The following NEGR1 variants were observed in gnomAD, a reference collection of about 807,000 sequenced individuals.
NEGR1 encodes the protein IgLON family member 4.
NEGR1 carries 10 observed loss-of-function variants against 40.9 expected under a neutral mutation model. The observed-to-expected ratio is 0.24, with a 90% CI of 0.15 to 0.42. NEGR1 has a LOEUF of 0.42. Ranked by LOEUF, NEGR1 falls within the 10% of genes least tolerant of loss-of-function variation. The pLI, the probability that NEGR1 is intolerant of heterozygous loss-of-function variation, is 1.00. For synonymous variants in NEGR1, 185 were observed against 166.8 expected, an observed-to-expected ratio of 1.11 and a Z score of -0.84; for missense variants, 352 against 438.9, an observed-to-expected ratio of 0.80 and a Z score of 1.77.
intron 4 of NEGR1, among the ~76,000 whole-genome samples, chr1:71,668,421 G>T (rs901298076): frequency 3.3e-5 from 5 of 152,162 alleles, no homozygotes; most frequent in Admixed American, 6.6e-5. Flanking sequence ...AGAGCCAAAT[G>T]CTTTTTAGTA....
At chr1:71,820,074 T>C (rs1658370873) in intron 2 of NEGR1, among the ~76,000 whole-genome samples, 1 of 152,008 alleles carries the variant, frequency 6.6e-6, no homozygotes, top group South Asian at 2.1e-4. Flanking sequence ...CAGAATCTAA[T>C]GGGGTTGTAC....
chr1:71,618,962 T>C (rs1301276627), intron 4 of NEGR1, among the ~76,000 whole-genome samples: 1 of 152,176 alleles, frequency 6.6e-6, no homozygotes, highest in Non-Finnish European at 1.5e-5. Flanking sequence ...TAGGTTATGT[T>C]GTCCGTGACT....
intron 6 of NEGR1, among the ~76,000 whole-genome samples, chr1:71,410,149 A>G (rs2101260884): frequency 6.6e-6 from 1 of 152,186 alleles, no homozygotes; most frequent in South Asian, 2.1e-4. Flanking sequence ...AAATTTATAT[A>G]CTTTTTTGTT....
chr1:71,550,382 T>C (rs1648036303), intron 6 of NEGR1, among the ~76,000 whole-genome samples: 1 of 151,654 alleles, frequency 6.6e-6, no homozygotes, highest in Admixed American at 6.6e-5. Context: ...TGCCATTTCC[T>C]GGAAGCAGCA....
intron 1 of NEGR1, among the ~76,000 whole-genome samples, chr1:72,170,877 G>T (rs1651938740): frequency 6.6e-6 from 1 of 152,086 alleles, no homozygotes; most frequent in African/African-American, 2.4e-5. Flanking sequence ...TGAGTGTAAG[G>T]TGTGGGATAG....
chr1:72,043,804 C>T (rs1296076778), intron 1 of NEGR1, among the ~76,000 whole-genome samples: 1 of 151,762 alleles, frequency 6.6e-6, no homozygotes, highest in Non-Finnish European at 1.5e-5. Context: ...GTGGAATTCA[C>T]CCTATTCTGT....
rs146257901 is a variant in NEGR1 at position 72,271,189 on chromosome 1, G to T, written c.176+11130C>A. Among the ~76,000 whole-genome samples the T allele has an allele frequency of 9.2e-5, 14 of 151,912 alleles. No homozygotes were observed. In the East Asian group the frequency reaches 2.7e-3, roughly 30 times the overall value. On this transcript the variant is annotated intron_variant, in intron 1 of 6. Coordinates refer to ENST00000357731, the MANE Select transcript of NEGR1 (RefSeq NM_173808.3). ...TGATAAACTTTGCAAATAAGCAAAAGCAACTTCACGTCTAGAATTAATAAT... is the reference window on the plus strand; with the variant it reads ...TGATAAACTTTGCAAATAAGCAAAATCAACTTCACGTCTAGAATTAATAAT...
intron 1 of NEGR1, among the ~76,000 whole-genome samples, chr1:72,247,024 G>C (rs1654926099): frequency 6.6e-6 from 1 of 152,216 alleles, no homozygotes; most frequent in Non-Finnish European, 1.5e-5. Context: ...GGATAGAATG[G>C]GAATAGCCAG....
chr1:72,272,714 T>TA (rs1364182333), intron 1 of NEGR1, among the ~76,000 whole-genome samples: 1 of 151,942 alleles, frequency 6.6e-6, no homozygotes, highest in Non-Finnish European at 1.5e-5. Flanking sequence ...GCTTTAAACA[T>TA]ACGCTAATAC....
At chr1:72,275,925 C>G (rs1217125524) in intron 1 of NEGR1, among the ~76,000 whole-genome samples, 2 of 151,808 alleles carry the variant, frequency 1.3e-5, no homozygotes, top group African/African-American at 4.8e-5. Flanking sequence ...AGTAAGACAC[C>G]ATCTCTAAAA....
At chr1:71,791,337 C>T (rs1657107642) in intron 2 of NEGR1, among the ~76,000 whole-genome samples, 2 of 151,984 alleles carry the variant, frequency 1.3e-5, no homozygotes, top group Admixed American at 1.3e-4. Context: ...CGTGTGTTAT[C>T]TTGGGTTACT....
At chr1:71,948,639 T>C (rs1443336175) in intron 1 of NEGR1, among the ~76,000 whole-genome samples, 1 of 152,112 alleles carries the variant, frequency 6.6e-6, no homozygotes, top group Non-Finnish European at 1.5e-5. Flanking sequence ...ATTAATTTCA[T>C]CTGAGCTCTT....
At chr1:71,937,023 T>C (rs1425862289) in intron 1 of NEGR1, among the ~76,000 whole-genome samples, 2 of 152,186 alleles carry the variant, frequency 1.3e-5, no homozygotes, top group Admixed American at 6.6e-5. Context: ...CCTTGGGGGA[T>C]TGAACACAGT....
At chr1:71,450,412 T>C (rs1646618499) in intron 6 of NEGR1, among the ~76,000 whole-genome samples, 2 of 152,236 alleles carry the variant, frequency 1.3e-5, no homozygotes, top group Non-Finnish European at 2.9e-5. Context: ...GTAAATACTA[T>C]ATATAACTAA....
rs560266874 is a variant in NEGR1 at position 71,918,448 on chromosome 1, C to G, written c.409+16631G>C. 3.3e-5 allele frequency among the ~76,000 whole-genome samples: 5 copies of G among 151,840 alleles called. No homozygotes were observed. In the South Asian group the frequency reaches 8.3e-4, roughly 25 times the overall value. On this transcript the variant is annotated intron_variant, in intron 2 of 6. Coordinates refer to ENST00000357731, the MANE Select transcript of NEGR1 (RefSeq NM_173808.3). The stretch of plus-strand genomic sequence containing the variant: ...CAACTCTCCATGAGAGATGGATGAG[C>G]CTTCAATGGTTTCTGCTTTCAAATA...
At chr1:72,033,283 C>T (rs577248007) in intron 1 of NEGR1, among the ~76,000 whole-genome samples, 12 of 151,988 alleles carry the variant, frequency 7.9e-5, no homozygotes, top group Non-Finnish European at 1.5e-4. Context: ...ATTGAAGAAC[C>T]TTTGGGCTAT....
At chr1:71,567,379 A>C (rs1406952002) in intron 6 of NEGR1, among the ~76,000 whole-genome samples, 1 of 152,190 alleles carries the variant, frequency 6.6e-6, no homozygotes, top group African/African-American at 2.4e-5. Flanking sequence ...TCTTCTAAAA[A>C]TAATATTTCT....
intron 6 of NEGR1, among the ~76,000 whole-genome samples, chr1:71,507,880 C>T (rs1475707754): frequency 6.6e-6 from 1 of 152,188 alleles, no homozygotes; most frequent in African/African-American, 2.4e-5. Flanking sequence ...TTTCACCAAA[C>T]TAATCTTAGA....
intron 1 of NEGR1, among the ~76,000 whole-genome samples, chr1:72,046,991 C>T (rs573351207): frequency 1.1e-4 from 16 of 151,652 alleles, no homozygotes; most frequent in East Asian, 5.8e-4. Context: ...TTTTCAAATA[C>T]GCAGAATGGT....
Sources: gnomAD v4.1 joint callset for allele counts (sites outside exome capture counted in the v4.1 genomes callset) on GRCh38, gnomAD v4.1.1 for gene constraint, MANE v1.5 for transcripts, NCBI Gene and HGNC (gene_info 2026-07-23, HGNC 2026-07-21) for gene names.